The following PDE4D variants were observed in gnomAD, a reference collection of about 807,000 sequenced individuals.
PDE4D encodes the protein 3',5'-cyclic-AMP phosphodiesterase 4D.
In PDE4D, 24 loss-of-function variants were observed where a neutral mutation model predicts 87.4. The ratio of observed to expected loss-of-function variants is 0.27; its 90% CI spans 0.20 to 0.39. The LOEUF (loss-of-function observed/expected upper bound fraction) is 0.39. Among genes scored for constraint, PDE4D ranks in the 10% least tolerant of loss-of-function variants. The probability of loss-of-function intolerance (pLI) is 1.00; values close to 1 mark genes in which losing one functional copy is unlikely to be tolerated. For missense variants in PDE4D, 714 were observed against 1,041.0 expected, an observed-to-expected ratio of 0.69 and a Z score of 4.32; for synonymous variants, 384 against 383.2, an observed-to-expected ratio of 1.00 and a Z score of -0.02.
intron 5 of PDE4D, among the ~76,000 whole-genome samples, chr5:59,070,563 T>C (rs1165101089): frequency 6.6e-6 from 1 of 152,204 alleles, no homozygotes; most frequent in Non-Finnish European, 1.5e-5. Context: ...CACCCATCCT[T>C]CTAATATATT....
At chr5:60,286,401 C>T (rs1262723883) in intron 1 of PDE4D, among the ~76,000 whole-genome samples, 2 of 152,032 alleles carry the variant, frequency 1.3e-5, no homozygotes, top group Admixed American at 1.3e-4. Context: ...ATTTGATCTC[C>T]GTAGATATTT....
chr5:59,702,348 G>A (rs770383167), intron 1 of PDE4D, among the ~76,000 whole-genome samples: 4 of 152,000 alleles, frequency 2.6e-5, no homozygotes, highest in Non-Finnish European at 5.9e-5. Flanking sequence ...GGATGGTCTC[G>A]ATCTCCTGAC....
chr5:59,837,118 A>G (rs1404503909), intron 1 of PDE4D, among the ~76,000 whole-genome samples: 4 of 152,010 alleles, frequency 2.6e-5, no homozygotes, highest in South Asian at 2.1e-4. Flanking sequence ...TCCTTCACCC[A>G]GGCTCATTCT....
At chr5:59,601,802 G>T (rs528927489) in intron 1 of PDE4D, among the ~76,000 whole-genome samples, 1 of 152,034 alleles carries the variant, frequency 6.6e-6, no homozygotes, top group South Asian at 2.1e-4. Flanking sequence ...AGCCCCAAGT[G>T]TAAACTAGCT....
chr5:59,293,038 T>C (rs571734782), intron 1 of PDE4D, among the ~76,000 whole-genome samples: 3 of 152,290 alleles, frequency 2.0e-5, no homozygotes, highest in South Asian at 2.1e-4. Flanking sequence ...CTTAGTATCA[T>C]AGATGATTTT....
intron 1 of PDE4D, among the ~76,000 whole-genome samples, chr5:59,327,504 G>A (rs78079850): frequency 6.6e-6 from 1 of 152,066 alleles, no homozygotes; most frequent in Non-Finnish European, 1.5e-5. Context: ...GAATTGTACT[G>A]CAAAGTGTTC....
chr5:59,146,712 T>A (rs1309753728), intron 5 of PDE4D, among the ~76,000 whole-genome samples: 1 of 152,202 alleles, frequency 6.6e-6, no homozygotes, highest in Non-Finnish European at 1.5e-5. Context: ...TATAATTGAA[T>A]AAGGCTCTGT....
intron 1 of PDE4D, among the ~76,000 whole-genome samples, chr5:59,586,030 C>G (rs1169254116): frequency 6.6e-6 from 1 of 152,154 alleles, no homozygotes. Flanking sequence ...TAAGCCTCAT[C>G]TTTAAAAAAA....
At chr5:59,739,490 C>A (rs1758550428) in intron 1 of PDE4D, among the ~76,000 whole-genome samples, 3 of 152,106 alleles carry the variant, frequency 2.0e-5, no homozygotes, top group Admixed American at 2.0e-4. Context: ...CACTAATGTA[C>A]AATTCACAAT....
intron 5 of PDE4D, among the ~76,000 whole-genome samples, chr5:59,100,872 C>T (rs1770622519): frequency 1.3e-5 from 2 of 151,978 alleles, no homozygotes; most frequent in South Asian, 4.2e-4. Flanking sequence ...TGAAAACTAC[C>T]CCTCTTTCAA....
At chr5:60,140,539 G>A (rs1192584155) in intron 2 of PDE4D, among the ~76,000 whole-genome samples, 1 of 111,064 alleles carries the variant, frequency 9.0e-6, no homozygotes, top group Non-Finnish European at 1.8e-5. Context: ...AAAGGAGGAA[G>A]GAATAAAAGG....
chr5:59,724,241 G>A (rs1369609245), intron 1 of PDE4D, among the ~76,000 whole-genome samples: 2 of 152,162 alleles, frequency 1.3e-5, no homozygotes, highest in African/African-American at 4.8e-5. Flanking sequence ...CAAATTGCTG[G>A]CTACTTCTGG....
chr5:60,225,330 A>T (rs1289330606), intron 1 of PDE4D, among the ~76,000 whole-genome samples: 1 of 151,994 alleles, frequency 6.6e-6, no homozygotes, highest in Admixed American at 6.6e-5. Flanking sequence ...AAACTCAAAG[A>T]CCATTAATAA....
chr5:59,334,247 GTTTTTTTTTT>G (rs564248041), intron 1 of PDE4D, among the ~76,000 whole-genome samples: 35,036 of 98,764 alleles, frequency 0.35, 5,639 homozygotes, highest in Middle Eastern at 0.48. Context: ...ATCCAGTGGA[GTTTTTTTTTT>G]TTTTTTTTTT....
intron 2 of PDE4D, among the ~76,000 whole-genome samples, chr5:60,084,967 G>A (rs955034784): frequency 4.6e-5 from 7 of 152,098 alleles, no homozygotes; most frequent in African/African-American, 1.7e-4. Flanking sequence ...TGATTGTTCA[G>A]CGTCCATGCC....
chr5:59,369,010 T>C (rs1184160626), intron 1 of PDE4D, among the ~76,000 whole-genome samples: 1 of 152,160 alleles, frequency 6.6e-6, no homozygotes, highest in Non-Finnish European at 1.5e-5. Context: ...CAAATAAATA[T>C]GTGTCAAACA....
At chr5:60,013,790 G>A (rs1765245527) in intron 2 of PDE4D, among the ~76,000 whole-genome samples, 1 of 152,110 alleles carries the variant, frequency 6.6e-6, no homozygotes, top group South Asian at 2.1e-4. Context: ...GCAAGCAAAT[G>A]CTAGATAAGT....
chr5:59,502,780 T>C (rs937683671), intron 1 of PDE4D, among the ~76,000 whole-genome samples: 1 of 151,662 alleles, frequency 6.6e-6, no homozygotes, highest in African/African-American at 2.4e-5. Flanking sequence ...TTTCTTGATA[T>C]AAAAATTAAA....
intron 2 of PDE4D, among the ~76,000 whole-genome samples, chr5:60,055,747 G>C (rs1052137244): frequency 6.6e-6 from 1 of 152,134 alleles, no homozygotes; most frequent in Non-Finnish European, 1.5e-5. Context: ...AAGTGGTAGA[G>C]AGGATTCAAA....
Sources: allele counts gnomAD v4.1 joint callset (sites outside exome capture counted in the v4.1 genomes callset), GRCh38; gene constraint gnomAD v4.1.1; transcripts MANE v1.5; gene names NCBI Gene and HGNC (gene_info 2026-07-23, HGNC 2026-07-21).